Variants in XYLT1 observed in about 807,000 individuals in gnomAD.
XYLT1 encodes the protein beta-D-xylosyltransferase 1.
A neutral mutation model predicts 91.3 loss-of-function variants in XYLT1; 36 were observed. The ratio of observed to expected loss-of-function variants is 0.39; its 90% CI spans 0.30 to 0.52. The LOEUF is 0.52. Ranked by LOEUF, XYLT1 falls within the 20% of genes least tolerant of loss-of-function variation. The pLI is 0.68. For missense variants in XYLT1, 1,242 were observed against 1,284.5 expected (o/e 0.97, Z 0.51); for synonymous variants, 588 against 532.0 (o/e 1.11, Z -1.45).
intron 1 of XYLT1, among the ~76,000 whole-genome samples, chr16:17,441,450 A>G (rs1340757093): frequency 1.3e-5 from 2 of 152,104 alleles, no homozygotes; most frequent in African/African-American, 4.8e-5. Flanking sequence ...CCTGGGCCTG[A>G]TTCTCTTACA....
At chr16:17,413,207 G>C (rs969268086) in intron 1 of XYLT1, among the ~76,000 whole-genome samples, 1 of 152,170 alleles carries the variant, frequency 6.6e-6, no homozygotes, top group Admixed American at 6.6e-5. Flanking sequence ...CAAAAAAGAA[G>C]TAACATATCT....
At chr16:17,293,318 T>G (rs1472309612) in intron 2 of XYLT1, among the ~76,000 whole-genome samples, 1 of 152,120 alleles carries the variant, frequency 6.6e-6, no homozygotes, top group Non-Finnish European at 1.5e-5. Context: ...TTAATTTTCA[T>G]TCCGCTGACC....
chr16:17,109,100 C>A, intron 11 of XYLT1, 83 bp from the exon 12 acceptor site: 1 of 1,341,064 alleles, frequency 7.5e-7, no homozygotes, highest in Non-Finnish European at 9.9e-7. Context: ...CCTGGTGCTG[C>A]ACTGGGTGCC....
At chr16:17,279,756 C>T (rs1257372027) in intron 2 of XYLT1, among the ~76,000 whole-genome samples, 1 of 152,198 alleles carries the variant, frequency 6.6e-6, no homozygotes, top group Non-Finnish European at 1.5e-5. Flanking sequence ...TAGGCCTCCT[C>T]CTCTGCATAT....
At chr16:17,413,586 C>T (rs1319041924) in intron 1 of XYLT1, among the ~76,000 whole-genome samples, 1 of 152,028 alleles carries the variant, frequency 6.6e-6, no homozygotes, top group Admixed American at 6.6e-5. Flanking sequence ...TACAGGTGCT[C>T]ACCACCATGC....
chr16:17,374,139 G>A (rs1183594959), intron 1 of XYLT1, among the ~76,000 whole-genome samples: 1 of 152,242 alleles, frequency 6.6e-6, no homozygotes, highest in Non-Finnish European at 1.5e-5. Flanking sequence ...GAGAGGACAA[G>A]CATTTTAGGC....
chr16:17,442,648 A>G (rs12923597), intron 1 of XYLT1, among the ~76,000 whole-genome samples: 54,517 of 151,966 alleles, frequency 0.36, 11,401 homozygotes, highest in African/African-American at 0.56. Context: ...GGATTCCCCC[A>G]CCTTGAGAGA....
chr16:17,223,227 C>T (rs560514263), intron 3 of XYLT1, among the ~76,000 whole-genome samples: 249 of 152,330 alleles, frequency 1.6e-3, no homozygotes, highest in African/African-American at 5.6e-3. Flanking sequence ...AGGAATGCTT[C>T]CTGGAGATGT....
intron 1 of XYLT1, among the ~76,000 whole-genome samples, chr16:17,379,753 T>TCACACACACACACA (rs1221357179): frequency 7.8e-5 from 10 of 128,712 alleles, no homozygotes; most frequent in African/African-American, 2.2e-4. Context: ...TCTCTCTCTC[T>TCACACACACACACA]CTCTCTCTCT....
intron 1 of XYLT1, among the ~76,000 whole-genome samples, chr16:17,396,445 TG>T (rs529041257): frequency 6.6e-6 from 1 of 152,074 alleles, no homozygotes; most frequent in South Asian, 2.1e-4. Context: ...CTGTGAGAAA[TG>T]AGTAAAGATA....
chr16:17,112,019 T>C (rs35140506), intron 11 of XYLT1, among the ~76,000 whole-genome samples: 49,540 of 151,948 alleles, frequency 0.33, 10,448 homozygotes, highest in Non-Finnish European at 0.47. Flanking sequence ...AGTGAGAAAG[T>C]GGAGAATGAG....
chr16:17,318,651 T>C (rs1046948173), intron 2 of XYLT1, among the ~76,000 whole-genome samples: 2 of 152,198 alleles, frequency 1.3e-5, no homozygotes, highest in Non-Finnish European at 2.9e-5. Flanking sequence ...CATGAATTTG[T>C]TAACTGAGTC....
At chr16:17,131,047 G>C (rs777289313) in intron 9 of XYLT1, among the ~76,000 whole-genome samples, 1 of 152,020 alleles carries the variant, frequency 6.6e-6, no homozygotes, top group Non-Finnish European at 1.5e-5. Flanking sequence ...CTGCACACTA[G>C]AATGGGAGGG....
chr16:17,213,009 C>G (rs1012424893), intron 3 of XYLT1, among the ~76,000 whole-genome samples: 8 of 152,322 alleles, frequency 5.3e-5, no homozygotes, highest in Middle Eastern at 3.4e-3. Context: ...CATTTTCTAA[C>G]AGACTTGATA....
At chr16:17,334,475 C>T (rs1202393800) in intron 2 of XYLT1, among the ~76,000 whole-genome samples, 2 of 151,908 alleles carry the variant, frequency 1.3e-5, no homozygotes, top group Non-Finnish European at 2.9e-5. Flanking sequence ...TTGCAATATG[C>T]AAGCCTTCTC....
At chr16:17,413,315 G>A (rs1166845788) in intron 1 of XYLT1, among the ~76,000 whole-genome samples, 1 of 152,162 alleles carries the variant, frequency 6.6e-6, no homozygotes, top group Non-Finnish European at 1.5e-5. Flanking sequence ...CAGTCATGCT[G>A]GGTACCCACA....
At chr16:17,406,138 T>C (rs1442446591) in intron 1 of XYLT1, among the ~76,000 whole-genome samples, 1 of 152,144 alleles carries the variant, frequency 6.6e-6, no homozygotes, top group East Asian at 1.9e-4. Context: ...TGGGCTGAGA[T>C]TGCACCACTG....
At chr16:17,419,468 A>C (rs1340168071) in intron 1 of XYLT1, among the ~76,000 whole-genome samples, 1 of 152,068 alleles carries the variant, frequency 6.6e-6, no homozygotes. Flanking sequence ...GAATGGGCAT[A>C]GCTGTGTTCC....
chr16:17,294,003 T>C (rs1042862964), intron 2 of XYLT1, among the ~76,000 whole-genome samples: 1 of 152,174 alleles, frequency 6.6e-6, no homozygotes, highest in Non-Finnish European at 1.5e-5. Flanking sequence ...TGTGCAATCT[T>C]GAACAAGTTG....
Sources: allele counts gnomAD v4.1 joint callset (sites outside exome capture counted in the v4.1 genomes callset), GRCh38; gene constraint gnomAD v4.1.1; transcripts MANE v1.5; gene names NCBI Gene and HGNC (gene_info 2026-07-23, HGNC 2026-07-21).